The following ZNF582 variants were observed in gnomAD, a reference collection of about 807,000 sequenced individuals.
ZNF582 encodes zinc finger protein 582.
A neutral mutation model predicts 12.3 loss-of-function variants in ZNF582; 14 were observed. The ratio of observed to expected loss-of-function variants is 1.14; its 90% CI spans 0.75 to 1.78. The LOEUF (loss-of-function observed/expected upper bound fraction) is 1.78. Ranked by LOEUF, ZNF582 falls within the 40% of genes most tolerant of loss-of-function variation. The probability of loss-of-function intolerance (pLI) is 0.00; values close to 1 mark genes in which losing one functional copy is unlikely to be tolerated. For missense variants in ZNF582, 567 were observed against 616.5 expected (o/e 0.92, Z 0.85); for synonymous variants, 210 against 207.2 (o/e 1.01, Z -0.11).
At chr19:56,384,556 T>C (rs1278604547) in exon 5 of ZNF582, 1 of 1,614,182 alleles carries the variant, frequency 6.2e-7, no homozygotes, top group African/African-American at 1.3e-5. Flanking sequence ...CCTTGCCACA[T>C]TCCTTACACT....
At position 56,393,214 on chromosome 19, in the gene ZNF582, AC is replaced by A. The variant is rs1438537585; in HGVS notation, c.-81+5del. 2.3e-5 allele frequency: 29 copies of A among 1,262,824 alleles called. No individual in the cohort carries two copies. The Middle Eastern group carries it at 6.6e-4, about 29-fold the overall frequency. 78.2% of individuals were successfully genotyped at this position (1,262,824 alleles called of 1,614,324 possible). A position where few individuals can be genotyped will look rare whatever the true frequency, so the allele number is the denominator to read the frequency against. The stretch of plus-strand genomic sequence containing the variant: ...TTCAGGGGGTCGGAGACCCCTGCGC[AC>A]CCACCTAAGGGGTCCATGCACCTGG... On this transcript the variant is annotated splice_donor_5th_base_variant and intron_variant, in intron 1 of 4. Transcript: ENST00000586929.
chr19:56,391,705 G>C (rs780520646), intron 2 of ZNF582, 39 bp downstream of exon 2: 1 of 1,591,296 alleles, frequency 6.3e-7, no homozygotes, highest in Non-Finnish European at 8.6e-7. Flanking sequence ...AAAGTTTCAA[G>C]ATAAGGAAAG....
intron 4 of ZNF582, among the ~76,000 whole-genome samples, chr19:56,389,158 G>A (rs972156321): frequency 3.9e-5 from 6 of 152,170 alleles, no homozygotes; most frequent in Non-Finnish European, 8.8e-5. Flanking sequence ...ATTAGCTCAT[G>A]TCCAGTGTGT....
chr19:56,388,925 A>T (rs1042830857), intron 4 of ZNF582, among the ~76,000 whole-genome samples: 1 of 152,140 alleles, frequency 6.6e-6, no homozygotes, highest in African/African-American at 2.4e-5. Flanking sequence ...CCCCTAGTGT[A>T]TCTCTGTGTT....
At chr19:56,385,217 TC>T (rs2041956047) in intron 4 of ZNF582, 33 bp from the exon 5 acceptor site, 22 of 1,528,948 alleles carry the variant, frequency 1.4e-5, no homozygotes, top group East Asian at 6.8e-5. Flanking sequence ...ATGTTTGGCT[TC>T]TTTTTTTTTC....
Position 56,385,859 on chromosome 19 carries a change from C to T in ZNF582, c.233-675G>A, listed in dbSNP as rs189206883. On this transcript the variant is annotated intron_variant, in intron 4 of 4. Coordinates refer to ENST00000586929, the Ensembl canonical transcript of ZNF582. The stretch of plus-strand genomic sequence containing the variant: ...AACTTTTTGGGTTGATGGAAATGTT[C>T]GCTATCTTGATTGAGGTGATGGTTA... 1.1e-4 allele frequency among the ~76,000 whole-genome samples: 16 copies of T among 152,194 alleles called. 1 individual carries two copies. In the South Asian group the frequency reaches 2.1e-3, roughly 20 times the overall value.
exon 5 of ZNF582, chr19:56,383,891 C>T (rs2041938724): frequency 6.3e-7 from 1 of 1,591,800 alleles, no homozygotes; most frequent in African/African-American, 1.3e-5. Flanking sequence ...CCCATTACTT[C>T]CATTCATATG....
At chr19:56,383,401 T>A (rs2041934202) in exon 5 of ZNF582, 2 of 153,070 alleles carry the variant, frequency 1.3e-5, no homozygotes, top group Non-Finnish European at 2.9e-5. Context: ...TTTTCATGTA[T>A]ATGCATGCAT....
intron 2 of ZNF582, 104 bp from the exon 3 acceptor site, chr19:56,390,605 C>T: frequency 7.9e-7 from 1 of 1,272,806 alleles, no homozygotes; most frequent in South Asian, 1.3e-5. Flanking sequence ...TTTTGTTGAA[C>T]AAGAAGGGTG....
chr19:56,390,153 ATCC>A, intron 3 of ZNF582, 57 bp from the exon 4 acceptor site: 15 of 1,515,216 alleles, frequency 9.9e-6, no homozygotes, highest in Non-Finnish European at 1.2e-5. Flanking sequence ...CAGAATTCAG[ATCC>A]AGGACCTGGT....
At chr19:56,393,479 GCCC>G (rs141227960) in exon 1 of ZNF582, 1 of 513,142 alleles carries the variant, frequency 1.9e-6, no homozygotes, top group Non-Finnish European at 3.9e-6. Flanking sequence ...CCGCGGCCGC[GCCC>G]CCGGCAGCCC....
Position 56,384,593 on chromosome 19 carries a change from C to T in ZNF582, c.824G>A (p.Arg275Gln), listed in dbSNP as rs759782368. Residue 275 changes from arginine (R) to glutamine (Q), a missense_variant, in exon 5 of 5, where the codon CGA (arginine) becomes CAA (glutamine). Coordinates refer to ENST00000586929, the Ensembl canonical transcript of ZNF582. The stretch of plus-strand genomic sequence containing the variant: ...ATAGGGTTTCTCGCCTGTGTGAGTT[C>T]GCTGATGTTCAATCAACTGTGAGCT... The T allele has an allele frequency of 2.4e-5, 39 of 1,614,040 alleles. No individual in the cohort carries two copies. Among genetic ancestry groups the T allele is most frequent in the Middle Eastern group, 1.7e-4 (1 of 6,060 alleles).
At chr19:56,385,887 T>C (rs2041962390) in intron 4 of ZNF582, among the ~76,000 whole-genome samples, 1 of 152,172 alleles carries the variant, frequency 6.6e-6, no homozygotes, top group Admixed American at 6.5e-5. Flanking sequence ...GATGGTTATG[T>C]GGGTGTATAA....
At chr19:56,391,876 C>T (rs1319760969) in intron 1 of ZNF582, 44 bp from the exon 2 acceptor site, 2 of 1,559,832 alleles carry the variant, frequency 1.3e-6, no homozygotes, top group African/African-American at 1.4e-5. Context: ...GCTTGCCTCA[C>T]AGTTCCTAGA....
intron 4 of ZNF582, chr19:56,387,766 G>A (rs977095448): frequency 2.6e-5 from 4 of 152,220 alleles, no homozygotes; most frequent in Non-Finnish European, 5.9e-5. Flanking sequence ...CCTGGCTGCA[G>A]AGGGATTTTA....
exon 5 of ZNF582, chr19:56,384,838 A>G (rs1247192016): frequency 2.5e-6 from 4 of 1,606,604 alleles, no homozygotes; most frequent in Non-Finnish European, 3.4e-6. Flanking sequence ...TCTCATTAGT[A>G]TAAATTCCTT....
chr19:56,390,850 T>A (rs1212098773), intron 2 of ZNF582, among the ~76,000 whole-genome samples: 1 of 152,340 alleles, frequency 6.6e-6, no homozygotes, highest in Non-Finnish European at 1.5e-5. Flanking sequence ...ATCACTTCTA[T>A]CTTTTGGAAT....
At chr19:56,384,037 C>G (rs201117494) in exon 5 of ZNF582, 3 of 1,613,116 alleles carry the variant, frequency 1.9e-6, no homozygotes, top group Non-Finnish European at 2.5e-6. Context: ...AATCATGACT[C>G]AAGGTCTTCT....
chr19:56,388,687 C>T (rs1163633295), intron 4 of ZNF582, among the ~76,000 whole-genome samples: 1 of 152,142 alleles, frequency 6.6e-6, no homozygotes, highest in Non-Finnish European at 1.5e-5. Flanking sequence ...AGCTGGAGCG[C>T]AGTGGTTCGA....
Sources: gnomAD v4.1 joint callset for allele counts (sites outside exome capture counted in the v4.1 genomes callset) on GRCh38, gnomAD v4.1.1 for gene constraint, MANE v1.5 for transcripts, NCBI Gene and HGNC (gene_info 2026-07-23, HGNC 2026-07-21) for gene names.